The following MAST4 variants were observed in gnomAD, a reference collection of about 807,000 sequenced individuals.
The protein encoded by MAST4 is microtubule associated serine/threonine kinase family member 4, also known as microtubule-associated serine/threonine-protein kinase 4.
A neutral mutation model predicts 162.7 loss-of-function variants in MAST4; 89 were observed. The observed-to-expected ratio is 0.55, with a 90% CI of 0.46 to 0.65. MAST4 has a LOEUF of 0.65. Ranked by LOEUF, MAST4 falls within the 30% of genes least tolerant of loss-of-function variation. MAST4 has a pLI of 0.00. For missense variants in MAST4, 3,153 were observed against 3,374.0 expected, an observed-to-expected ratio of 0.93 and a Z score of 1.62; for synonymous variants, 1,479 against 1,361.1, an observed-to-expected ratio of 1.09 and a Z score of -1.91.
intron 4 of MAST4, among the ~76,000 whole-genome samples, chr5:66,978,737 C>G (rs1481404923): frequency 1.3e-5 from 2 of 152,022 alleles, no homozygotes; most frequent in African/African-American, 4.8e-5. Flanking sequence ...TGCCTGAGAG[C>G]TAATATAAAG....
At chr5:66,844,604 A>G (rs958396023) in intron 3 of MAST4, among the ~76,000 whole-genome samples, 2 of 152,106 alleles carry the variant, frequency 1.3e-5, no homozygotes, top group Non-Finnish European at 2.9e-5. Flanking sequence ...ATAAGACCCA[A>G]TTCTGGTTGT....
At chr5:66,999,090 A>G (rs1473512058) in intron 4 of MAST4, among the ~76,000 whole-genome samples, 1 of 152,200 alleles carries the variant, frequency 6.6e-6, no homozygotes, top group Non-Finnish European at 1.5e-5. Flanking sequence ...GATCTTCCAG[A>G]CAGCTGTTTT....
chr5:66,898,855 T>A (rs1330480059), intron 3 of MAST4, among the ~76,000 whole-genome samples: 1 of 152,224 alleles, frequency 6.6e-6, no homozygotes, highest in East Asian at 1.9e-4. Context: ...ATGCTCTCAC[T>A]GCCACTTTCT....
chr5:66,920,806 C>T (rs1192221013), intron 4 of MAST4, among the ~76,000 whole-genome samples: 1 of 152,000 alleles, frequency 6.6e-6, no homozygotes, highest in East Asian at 1.9e-4. Flanking sequence ...TATATTTAAC[C>T]CTTGAATTTG....
chr5:66,832,426 C>G (rs536732736), intron 3 of MAST4, among the ~76,000 whole-genome samples: 5 of 152,074 alleles, frequency 3.3e-5, no homozygotes, highest in Non-Finnish European at 5.9e-5. Flanking sequence ...GCACACCCCC[C>G]ACCCCTGTCC....
chr5:66,738,821 C>A (rs1335047984), intron 1 of MAST4, among the ~76,000 whole-genome samples: 1 of 151,824 alleles, frequency 6.6e-6, no homozygotes, highest in African/African-American at 2.4e-5. Context: ...TTCATAAATC[C>A]CTTTCTTCTT....
At chr5:66,943,462 G>A (rs540584747) in intron 4 of MAST4, among the ~76,000 whole-genome samples, 2 of 152,098 alleles carry the variant, frequency 1.3e-5, no homozygotes, top group African/African-American at 4.8e-5. Context: ...AGCAAGCATT[G>A]AGTACAGGGA....
intron 1 of MAST4, among the ~76,000 whole-genome samples, chr5:66,684,781 A>G (rs1203348599): frequency 6.6e-6 from 1 of 152,154 alleles, no homozygotes; most frequent in Non-Finnish European, 1.5e-5. Context: ...GGAAAGAGGA[A>G]GAGGGGTCAC....
intron 2 of MAST4, among the ~76,000 whole-genome samples, chr5:66,768,526 G>C (rs1414463508): frequency 6.6e-6 from 1 of 152,164 alleles, no homozygotes; most frequent in Admixed American, 6.5e-5. Flanking sequence ...AAGTGAAAAA[G>C]TCAGTCCAAA....
At chr5:66,867,110 C>A (rs1440675613) in intron 3 of MAST4, among the ~76,000 whole-genome samples, 1 of 152,090 alleles carries the variant, frequency 6.6e-6, no homozygotes, top group African/African-American at 2.4e-5. Flanking sequence ...GGGAGGCCCT[C>A]AAATATATGC....
intron 5 of MAST4, among the ~76,000 whole-genome samples, chr5:67,074,397 C>A (rs543959629): frequency 1.5e-4 from 22 of 151,700 alleles, no homozygotes; most frequent in Non-Finnish European, 2.9e-4. Flanking sequence ...TGTCAAGAGC[C>A]CTAAAAATAG....
intron 4 of MAST4, among the ~76,000 whole-genome samples, chr5:66,903,492 A>G (rs1405650792): frequency 6.6e-6 from 1 of 151,388 alleles, no homozygotes; most frequent in East Asian, 1.9e-4. Flanking sequence ...TTGTCTCATA[A>G]TGAAGATTGC....
At chr5:66,943,081 C>T (rs191423928) in intron 4 of MAST4, among the ~76,000 whole-genome samples, 11 of 152,172 alleles carry the variant, frequency 7.2e-5, no homozygotes, top group Non-Finnish European at 1.5e-4. Context: ...AATCACCTTC[C>T]CCTTCCAAAT....
At chr5:66,962,694 G>A (rs569414882) in intron 4 of MAST4, among the ~76,000 whole-genome samples, 2 of 150,994 alleles carry the variant, frequency 1.3e-5, no homozygotes, top group African/African-American at 2.5e-5. Context: ...GTGAAACCTT[G>A]TCTCAAAAAG....
chr5:67,007,290 G>T (rs914049350), intron 4 of MAST4, among the ~76,000 whole-genome samples: 8 of 152,092 alleles, frequency 5.3e-5, no homozygotes, highest in Non-Finnish European at 1.2e-4. Flanking sequence ...ACCTTACCGG[G>T]CTGAGTAGTT....
intron 1 of MAST4, among the ~76,000 whole-genome samples, chr5:66,660,532 A>G (rs1746838129): frequency 6.6e-6 from 1 of 152,252 alleles, no homozygotes; most frequent in Admixed American, 6.5e-5. Context: ...GCCTGACCAT[A>G]ACCGGGACTT....
chr5:66,713,651 A>G (rs1268127411), intron 1 of MAST4, among the ~76,000 whole-genome samples: 1 of 152,216 alleles, frequency 6.6e-6, no homozygotes, highest in Non-Finnish European at 1.5e-5. Flanking sequence ...TTTAGTTTGT[A>G]CATTACTTAT....
intron 1 of MAST4, among the ~76,000 whole-genome samples, chr5:66,737,385 C>G (rs1234241059): frequency 6.6e-6 from 1 of 152,184 alleles, no homozygotes; most frequent in African/African-American, 2.4e-5. Flanking sequence ...ATGCCTCTTA[C>G]AGTTGAGCCT....
chr5:67,036,672 T>C (rs1164965862), intron 4 of MAST4, among the ~76,000 whole-genome samples: 2 of 152,204 alleles, frequency 1.3e-5, no homozygotes, highest in Non-Finnish European at 2.9e-5. Context: ...ATAGATCTTA[T>C]ACCGTATTGT....
Sources: allele counts gnomAD v4.1 joint callset (sites outside exome capture counted in the v4.1 genomes callset), GRCh38; gene constraint gnomAD v4.1.1; transcripts MANE v1.5; gene names NCBI Gene and HGNC (gene_info 2026-07-23, HGNC 2026-07-21).